Variants in ZFHX3 observed in about 807,000 individuals in gnomAD.
ZFHX3 encodes zinc finger homeobox 3.
Under a neutral mutation model 279.1 loss-of-function variants are expected in ZFHX3, and 42 were observed. That is an observed-to-expected ratio of 0.15 (90% CI 0.12 to 0.19). The LOEUF is 0.19. Ranked by LOEUF, ZFHX3 falls within the 10% of genes least tolerant of loss-of-function variation. The pLI is 1.00. For synonymous variants in ZFHX3, 2,293 were observed against 1,957.8 expected, an observed-to-expected ratio of 1.17 and a Z score of -4.52; for missense variants, 4,981 against 4,754.0, an observed-to-expected ratio of 1.05 and a Z score of -1.40.
At chr16:73,543,382 T>C (rs1301865665) in intron 2 of ZFHX3, among the ~76,000 whole-genome samples, 1 of 152,210 alleles carries the variant, frequency 6.6e-6, no homozygotes, top group Non-Finnish European at 1.5e-5. Context: ...TCAGTTTCAA[T>C]GGGAGGGATT....
At chr16:73,758,104 T>C (rs1012465466) in intron 1 of ZFHX3, among the ~76,000 whole-genome samples, 1 of 152,122 alleles carries the variant, frequency 6.6e-6, no homozygotes, top group Non-Finnish European at 1.5e-5. Context: ...TGAACAATTC[T>C]CTCAAATGCC....
chr16:72,990,392 A>G (rs1298423449), intron 1 of ZFHX3, among the ~76,000 whole-genome samples: 1 of 152,232 alleles, frequency 6.6e-6, no homozygotes, highest in Non-Finnish European at 1.5e-5. Flanking sequence ...TCAGTCTCAC[A>G]CATCGTGCCC....
At chr16:73,403,466 C>T (rs1052563880) in intron 3 of ZFHX3, among the ~76,000 whole-genome samples, 1 of 152,112 alleles carries the variant, frequency 6.6e-6, no homozygotes, top group Non-Finnish European at 1.5e-5. Context: ...GTCTGCGGGC[C>T]GGGTCTGTGT....
At chr16:73,162,911 G>T (rs1044380901) in intron 5 of ZFHX3, among the ~76,000 whole-genome samples, 1 of 152,078 alleles carries the variant, frequency 6.6e-6, no homozygotes, top group African/African-American at 2.4e-5. Flanking sequence ...TTCTAACTAC[G>T]TCCTCAGAAA....
rs752001880 is a variant in ZFHX3 at position 73,507,485 on chromosome 16, C to CTTTTTTTTTT, written c.-1546-51237_-1546-51228dup. Among the ~76,000 whole-genome samples, 612 of 79,776 alleles carry CTTTTTTTTTT rather than the reference C, an allele frequency of 7.7e-3. 59 individuals carry two copies. The highest frequency in any genetic ancestry group is 0.035 in the Admixed American group (183 of 5,276). 52.3% of individuals were successfully genotyped at this position (79,776 alleles called of 152,430 possible). A position where few individuals can be genotyped will look rare whatever the true frequency, so the allele number is the denominator to read the frequency against. ...AAATGCGTGAAATTCAGCTCTGCCACTTTTTTTTTTTTTTTTTTTTTTTTT... is the reference window on the plus strand; with the variant it reads ...AAATGCGTGAAATTCAGCTCTGCCACTTTTTTTTTTTTTTTTTTTTTTTTTTTTTTTTTTT... On this transcript the variant is annotated intron_variant, in intron 2 of 17. Transcript: ENST00000641206.
At chr16:73,440,614 TG>T (rs1310377925) in intron 3 of ZFHX3, among the ~76,000 whole-genome samples, 2 of 152,208 alleles carry the variant, frequency 1.3e-5, no homozygotes, top group Admixed American at 6.5e-5. Flanking sequence ...CAGTGGTGCC[TG>T]CCTCTACCTA....
At chr16:73,456,704 T>C (rs532336702) in intron 2 of ZFHX3, among the ~76,000 whole-genome samples, 6 of 152,236 alleles carry the variant, frequency 3.9e-5, no homozygotes, top group Non-Finnish European at 8.8e-5. Flanking sequence ...TCCAAATTAA[T>C]AGAGTGCCGC....
chr16:73,795,333 C>A (rs1597119056), intron 1 of ZFHX3, among the ~76,000 whole-genome samples: 1 of 152,338 alleles, frequency 6.6e-6, no homozygotes, highest in East Asian at 1.9e-4. Context: ...ACCCCTCTTG[C>A]TCAGGCAGCC....
intron 3 of ZFHX3, among the ~76,000 whole-genome samples, chr16:72,900,195 C>G (rs1261063523): frequency 1.3e-5 from 2 of 151,344 alleles, no homozygotes; most frequent in Admixed American, 1.3e-4. Context: ...ATCAGGGCAC[C>G]AATGTAATAA....
chr16:73,245,977 C>A (rs2013268873), intron 5 of ZFHX3, among the ~76,000 whole-genome samples: 1 of 152,084 alleles, frequency 6.6e-6, no homozygotes, highest in South Asian at 2.1e-4. Context: ...CCTTGGGCTG[C>A]TGTGGGATGT....
rs2035183288 is a variant in ZFHX3, at chr16:72,782,905, T to TA, written c.*4258dup. On this transcript the variant is annotated 3_prime_UTR_variant, in exon 10 of 10. Coordinates refer to ENST00000268489, the MANE Select transcript of ZFHX3 (RefSeq NM_006885.4). ...GGAGCTTTTGCTCATATTTTTTTTTTAATGTATCACAATGAGCAGGAAACA... is the reference window on the plus strand; with the variant it reads ...GGAGCTTTTGCTCATATTTTTTTTTTAAATGTATCACAATGAGCAGGAAACA... The TA allele has an allele frequency of 6.6e-6, 1 of 152,532 alleles. No homozygotes were observed. Among genetic ancestry groups the TA allele is most frequent in the South Asian group, 2.1e-4 (1 of 4,824 alleles). The allele number at this position is 152,532 out of a possible 1,614,324, so 9.4% of individuals were successfully genotyped here.
At chr16:72,937,483 A>G (rs1233847787) in intron 3 of ZFHX3, among the ~76,000 whole-genome samples, 1 of 152,222 alleles carries the variant, frequency 6.6e-6, no homozygotes, top group African/African-American at 2.4e-5. Context: ...GAAAAGTGTC[A>G]CTTCTGGATC....
At chr16:73,611,579 G>A (rs927791859) in intron 2 of ZFHX3, among the ~76,000 whole-genome samples, 1 of 152,094 alleles carries the variant, frequency 6.6e-6, no homozygotes, top group African/African-American at 2.4e-5. Context: ...TGATAGTTAA[G>A]CAACCACATA....
At chr16:73,726,294 T>C (rs1414025583) in intron 1 of ZFHX3, among the ~76,000 whole-genome samples, 5 of 152,192 alleles carry the variant, frequency 3.3e-5, no homozygotes. Flanking sequence ...GAAATAGTAC[T>C]CATTTTAAGC....
At chr16:73,779,316 T>C (rs950985867) in intron 1 of ZFHX3, among the ~76,000 whole-genome samples, 2 of 152,224 alleles carry the variant, frequency 1.3e-5, no homozygotes, top group African/African-American at 2.4e-5. Flanking sequence ...TCAGTTATAG[T>C]AATTGCCCAG....
chr16:73,139,735 A>C (rs1966841538), intron 6 of ZFHX3, among the ~76,000 whole-genome samples: 1 of 152,198 alleles, frequency 6.6e-6, no homozygotes, highest in African/African-American at 2.4e-5. Flanking sequence ...TTTTCCATTG[A>C]ATCTTTATGC....
At chr16:72,981,638 G>A (rs1962603662) in intron 1 of ZFHX3, among the ~76,000 whole-genome samples, 1 of 152,066 alleles carries the variant, frequency 6.6e-6, no homozygotes, top group African/African-American at 2.4e-5. Context: ...GTAGGTAAAC[G>A]GCCCAGTGGT....
At chr16:73,251,859 C>T (rs1266844383) in intron 5 of ZFHX3, among the ~76,000 whole-genome samples, 1 of 143,908 alleles carries the variant, frequency 6.9e-6, no homozygotes, top group African/African-American at 2.6e-5. Context: ...ACACACCGCA[C>T]ACACGCACAC....
chr16:73,453,296 T>C (rs984836672), intron 3 of ZFHX3, among the ~76,000 whole-genome samples: 1 of 152,228 alleles, frequency 6.6e-6, no homozygotes, highest in Non-Finnish European at 1.5e-5. Flanking sequence ...TCCATCCCCC[T>C]GAATCTGAAC....
Sources: gnomAD v4.1 joint callset for allele counts (sites outside exome capture counted in the v4.1 genomes callset) on GRCh38, gnomAD v4.1.1 for gene constraint, MANE v1.5 for transcripts, NCBI Gene and HGNC (gene_info 2026-07-23, HGNC 2026-07-21) for gene names.